The following CREB1 variants were observed in gnomAD, a reference collection of about 807,000 sequenced individuals.
CREB1 encodes the protein cyclic AMP-responsive element-binding protein 1.
Under a neutral mutation model 42.0 loss-of-function variants are expected in CREB1, and 2 were observed. The observed-to-expected ratio is 0.05, with a 90% CI of 0.02 to 0.15. The LOEUF (loss-of-function observed/expected upper bound fraction) is 0.15, where lower values mean the gene tolerates loss of function less well. Ranked by LOEUF, CREB1 falls within the 10% of genes least tolerant of loss-of-function variation. The probability of loss-of-function intolerance (pLI) is 1.00; values close to 1 mark genes in which losing one functional copy is unlikely to be tolerated. For synonymous variants in CREB1, 123 were observed against 139.9 expected (o/e 0.88, Z 0.85); for missense variants, 199 against 388.9 (o/e 0.51, Z 4.11).
chr2:207,536,553 C>CT (rs1427925075), intron 1 of CREB1, among the ~76,000 whole-genome samples: 3 of 151,838 alleles, frequency 2.0e-5, no homozygotes, highest in African/African-American at 4.8e-5. Flanking sequence ...GAAACTCTGT[C>CT]TTAAGAAAAA....
chr2:207,601,178 A>T lies in CREB1; in HGVS notation c.*4120A>T, dbSNP rs1341616474. On this transcript the variant is annotated 3_prime_UTR_variant, in exon 8 of 8. Coordinates refer to ENST00000353267, the MANE Select transcript of CREB1 (RefSeq NM_004379.5). Reference sequence around the variant, plus strand: ...AAGCTGTTGGTATATTTTTTCCCTCATGGACCCAATAGAAAAGTTGTATAT... The same window carrying T: ...AAGCTGTTGGTATATTTTTTCCCTCTTGGACCCAATAGAAAAGTTGTATAT... The T allele has an allele frequency of 5.4e-6, 1 of 185,296 alleles. No homozygotes were observed. The highest frequency in any genetic ancestry group is 1.1e-5 in the Non-Finnish European group (1 of 87,584). 11.5% of individuals were successfully genotyped at this position (185,296 alleles called of 1,614,324 possible). A position where few individuals can be genotyped will look rare whatever the true frequency, so the allele number is the denominator to read the frequency against.
At chr2:207,590,272 T>A (rs921478568) in intron 7 of CREB1, among the ~76,000 whole-genome samples, 4 of 151,818 alleles carry the variant, frequency 2.6e-5, no homozygotes, top group Non-Finnish European at 5.9e-5. Flanking sequence ...AGTAGGGATG[T>A]CCCCCCGCTT....
chr2:207,550,096 A>G (rs1388947003), intron 1 of CREB1, among the ~76,000 whole-genome samples: 1 of 152,204 alleles, frequency 6.6e-6, no homozygotes, highest in Non-Finnish European at 1.5e-5. Flanking sequence ...ACTTATAGAT[A>G]TATTTATGCA....
chr2:207,538,521 A>G (rs779115031), intron 1 of CREB1, among the ~76,000 whole-genome samples: 3 of 151,830 alleles, frequency 2.0e-5, no homozygotes, highest in Non-Finnish European at 4.4e-5. Context: ...AAGATGAAAA[A>G]CACCCTTTCA....
At chr2:207,537,052 CTTT>C (rs1303236723) in intron 1 of CREB1, among the ~76,000 whole-genome samples, 2 of 35,088 alleles carry the variant, frequency 5.7e-5, no homozygotes, top group Non-Finnish European at 2.9e-4. Flanking sequence ...TTACAAAGTG[CTTT>C]GTTGTTGTTG....
Position 207,597,906 on chromosome 2 carries a change from G to A in CREB1, c.*848G>A, listed in dbSNP as rs1346383420. ...ATGCTGATCAGTAAACCAATCCCTT[G>A]AGTTATATAACAAGATTTTTAAATA... On this transcript the variant is annotated 3_prime_UTR_variant, in exon 8 of 8. Coordinates refer to ENST00000353267, the MANE Select transcript of CREB1 (RefSeq NM_004379.5). 1 of 186,576 alleles carries A rather than the reference G, an allele frequency of 5.4e-6. No homozygotes were observed. The highest frequency in any genetic ancestry group is 1.1e-5 in the Non-Finnish European group (1 of 88,554). The allele number at this position is 186,576 out of a possible 1,614,324, so 11.6% of individuals were successfully genotyped here.
At chr2:207,576,926 C>A (rs1043269399) in intron 6 of CREB1, 1 of 882,370 alleles carries the variant, frequency 1.1e-6, no homozygotes, top group Non-Finnish European at 1.4e-6. Flanking sequence ...GTTTATTTAG[C>A]CATTATCATT....
At chr2:207,532,352 G>C (rs2080676500) in intron 1 of CREB1, among the ~76,000 whole-genome samples, 1 of 151,164 alleles carries the variant, frequency 6.6e-6, no homozygotes, top group African/African-American at 2.4e-5. Flanking sequence ...AAGAATATAT[G>C]ACTCTTCATT....
intron 2 of CREB1, among the ~76,000 whole-genome samples, chr2:207,558,161 T>C (rs2081807185): frequency 6.6e-6 from 1 of 152,228 alleles, no homozygotes; most frequent in African/African-American, 2.4e-5. Flanking sequence ...ACTTTATTAC[T>C]ATCCAGAGAT....
chr2:207,543,558 G>A (rs984480775), intron 1 of CREB1, among the ~76,000 whole-genome samples: 15 of 151,940 alleles, frequency 9.9e-5, no homozygotes, highest in Admixed American at 2.6e-4. Context: ...TTATCTCTTT[G>A]TAAAGTTTTC....
intron 1 of CREB1, among the ~76,000 whole-genome samples, chr2:207,536,970 A>G (rs377389871): frequency 2.0e-5 from 3 of 152,004 alleles, no homozygotes; most frequent in African/African-American, 7.2e-5. Context: ...ACTCTGGGTG[A>G]CAGAGCAAGA....
intron 7 of CREB1, among the ~76,000 whole-genome samples, chr2:207,583,702 CTT>C (rs562664035): frequency 2.0e-4 from 30 of 152,174 alleles, no homozygotes; most frequent in Non-Finnish European, 3.5e-4. Context: ...TAAGTTCACT[CTT>C]TGTGCTGTAT....
At chr2:207,596,591 A>C (rs968706502) in intron 7 of CREB1, among the ~76,000 whole-genome samples, 1 of 152,054 alleles carries the variant, frequency 6.6e-6, no homozygotes, top group Admixed American at 6.6e-5. Context: ...GTGCCGCCAC[A>C]CCCCGCTAAT....
At chr2:207,548,647 A>T (rs1422458378) in intron 1 of CREB1, among the ~76,000 whole-genome samples, 1 of 152,064 alleles carries the variant, frequency 6.6e-6, no homozygotes, top group Admixed American at 6.5e-5. Context: ...GCTACTTGAG[A>T]GGCTGAGGCA....
rs2106636879 is a variant in CREB1 at position 207,602,246 on chromosome 2, A to T, written c.*5188A>T. The T allele has an allele frequency of 5.4e-6, 1 of 185,542 alleles. No homozygotes were observed. The highest frequency in any genetic ancestry group is 2.0e-4 in the South Asian group (1 of 5,102). The allele number at this position is 185,542 out of a possible 1,614,324, so 11.5% of individuals were successfully genotyped here. Reference sequence around the variant, plus strand: ...TTTTTAAAAAAAGAAAAATTTAAAAAATATATAAATAAAATAGAACAAAGC... The same window carrying T: ...TTTTTAAAAAAAGAAAAATTTAAAATATATATAAATAAAATAGAACAAAGC... On this transcript the variant is annotated 3_prime_UTR_variant, in exon 8 of 8. Transcript: ENST00000353267.
At chr2:207,555,813 A>ATTTAGTTGTTATTACAT in intron 2 of CREB1, 64 bp downstream of exon 2, 2 of 1,065,170 alleles carry the variant, frequency 1.9e-6, no homozygotes, top group Non-Finnish European at 2.9e-6. Context: ...TTCCAAGAGA[A>ATTTAGTTGTTATTACAT]TTTAGTTGTT....
intron 1 of CREB1, among the ~76,000 whole-genome samples, chr2:207,549,681 T>C (rs923550333): frequency 1.3e-5 from 2 of 152,112 alleles, no homozygotes; most frequent in Non-Finnish European, 2.9e-5. Context: ...GAGACCGTCC[T>C]GGCTAACACG....
At chr2:207,588,020 A>G (rs139344834) in intron 7 of CREB1, among the ~76,000 whole-genome samples, 1 of 152,374 alleles carries the variant, frequency 6.6e-6, no homozygotes, top group African/African-American at 2.4e-5. Context: ...TGATCATTAC[A>G]TACTGTATAC....
chr2:207,592,411 T>TA (rs1559076150), intron 7 of CREB1, among the ~76,000 whole-genome samples: 3 of 149,790 alleles, frequency 2.0e-5, no homozygotes, highest in African/African-American at 7.4e-5. Context: ...TCTCAAAAAA[T>TA]AAAAAAAGAT....
Sources: allele counts gnomAD v4.1 joint callset (sites outside exome capture counted in the v4.1 genomes callset), GRCh38; gene constraint gnomAD v4.1.1; transcripts MANE v1.5; gene names NCBI Gene and HGNC (gene_info 2026-07-23, HGNC 2026-07-21).